The following EDNRB variants were observed in gnomAD, a reference collection of about 807,000 sequenced individuals.
EDNRB encodes the protein endothelin receptor type B, also known as Hirschsprung disease 2.
In EDNRB, 18 loss-of-function variants were observed where a neutral mutation model predicts 46.4. The ratio of observed to expected loss-of-function variants is 0.39; its 90% CI spans 0.27 to 0.57. EDNRB has a LOEUF of 0.57. Among genes scored for constraint, EDNRB ranks in the 20% least tolerant of loss-of-function variants. The pLI is 0.61. For missense variants in EDNRB, 434 were observed against 537.5 expected (o/e 0.81, Z 1.90); for synonymous variants, 213 against 204.9 (o/e 1.04, Z -0.34).
At position 77,900,671 on chromosome 13, in the gene EDNRB, G is replaced by A; in HGVS notation, c.952-17C>T. The A allele has an allele frequency of 6.2e-7, 1 of 1,611,908 alleles. No homozygotes were observed. Among genetic ancestry groups the A allele is most frequent in the South Asian group, 1.1e-5 (1 of 91,036 alleles). ...TTCCCGTCTCTGAAATAAATCCATA[G>A]TTTGACCCTTAAAAGATGGCTCATT... is the stretch of plus-strand genomic sequence containing the variant. On this transcript the variant is annotated splice_polypyrimidine_tract_variant and intron_variant, in intron 4 of 6. Coordinates refer to ENST00000646607, the MANE Select transcript of EDNRB (RefSeq NM_001122659.3).
chr13:77,903,456 T>C, intron 2 of EDNRB, 39 bp downstream of exon 2: 1 of 1,609,940 alleles, frequency 6.2e-7, no homozygotes, highest in Non-Finnish European at 8.5e-7. Context: ...AACAATAGTA[T>C]ATATTCAGAA....
intron 1 of EDNRB, among the ~76,000 whole-genome samples, chr13:77,910,009 C>G (rs1254682615): frequency 6.6e-6 from 1 of 151,956 alleles, no homozygotes; most frequent in Non-Finnish European, 1.5e-5. Flanking sequence ...CCCACCCTCT[C>G]TCTCCTACTC....
intron 1 of EDNRB, among the ~76,000 whole-genome samples, chr13:77,931,744 C>CAAAAAAAAAAAAAA (rs67176737): frequency 1.7e-3 from 141 of 83,292 alleles, no homozygotes; most frequent in Non-Finnish European, 2.0e-3. Context: ...ACTGTAGTAG[C>CAAAAAAAAAAAAAA]AAAAAAAAAA....
chr13:77,927,653 A>G (rs904917127), intron 1 of EDNRB, among the ~76,000 whole-genome samples: 4 of 152,210 alleles, frequency 2.6e-5, no homozygotes, highest in African/African-American at 7.2e-5. Flanking sequence ...GAGCTGTAAC[A>G]TATTTAGACT....
chr13:77,909,689 G>A (rs1879473792), intron 1 of EDNRB, among the ~76,000 whole-genome samples: 1 of 152,036 alleles, frequency 6.6e-6, no homozygotes, highest in Non-Finnish European at 1.5e-5. Context: ...TTGGCACACA[G>A]TGGTCACTCA....
rs1028738004 is a variant in EDNRB, at chr13:77,897,392, T to A, written c.*808A>T. 1.0e-6 allele frequency: 1 copy of A among 985,146 alleles called. No individual in the cohort carries two copies. Among genetic ancestry groups the A allele is most frequent in the African/African-American group, 1.7e-5 (1 of 57,220 alleles). The allele number at this position is 985,146 out of a possible 1,614,324, so 61.0% of individuals were successfully genotyped here. A position where few individuals can be genotyped will look rare whatever the true frequency, so the allele number is the denominator to read the frequency against. On this transcript the variant is annotated 3_prime_UTR_variant, in exon 7 of 7. Transcript: ENST00000646607. ...GAATGACAGATTCAAAAAAGTCTTT[T>A]GGGATAGCCTTTCAAACATTCTATT...
intron 1 of EDNRB, among the ~76,000 whole-genome samples, chr13:77,969,454 C>T (rs917726905): frequency 6.6e-6 from 1 of 152,192 alleles, no homozygotes; most frequent in Non-Finnish European, 1.5e-5. Flanking sequence ...TGTCCTGACA[C>T]TGGGTTATCT....
chr13:77,965,738 A>T (rs185551878), intron 1 of EDNRB, among the ~76,000 whole-genome samples: 1 of 152,340 alleles, frequency 6.6e-6, no homozygotes. Flanking sequence ...TGAAATCAGT[A>T]CACAAGTAAA....
upstream of EDNRB, among the ~76,000 whole-genome samples, chr13:77,920,692 G>T (rs1352325613): frequency 1.3e-5 from 2 of 152,196 alleles, no homozygotes; most frequent in East Asian, 3.8e-4. Context: ...ATGGTCTAGG[G>T]TTGTGAGTGC....
In EDNRB at chr13:77,972,281, A is replaced by G. The variant is rs1158070890; in HGVS notation, c.-52+3066T>C. ...TGGGCCTCTGGCCTGCCATGTGCACAAGCATAACAATTGCTTTTGTTTAAC... is the reference window on the plus strand; with the variant it reads ...TGGGCCTCTGGCCTGCCATGTGCACGAGCATAACAATTGCTTTTGTTTAAC... On this transcript the variant is annotated intron_variant, in intron 1 of 7. Transcript: ENST00000646948. Among the ~76,000 whole-genome samples the G allele has an allele frequency of 5.3e-5, 8 of 152,364 alleles. No individual in the cohort carries two copies. The East Asian group carries it at 1.3e-3, about 26-fold the overall frequency.
chr13:77,927,334 C>G (rs1371128159), intron 1 of EDNRB, among the ~76,000 whole-genome samples: 1 of 152,074 alleles, frequency 6.6e-6, no homozygotes, highest in Non-Finnish European at 1.5e-5. Flanking sequence ...CTGTCTTGTT[C>G]TAGATTAACA....
At position 77,903,498 on chromosome 13, in the gene EDNRB, T is replaced by G; in HGVS notation, c.593A>C (p.Asp198Ala). 2 of 1,612,776 alleles carry G rather than the reference T, an allele frequency of 1.2e-6. No homozygotes were observed. The highest frequency in any genetic ancestry group is 1.7e-6 in the Non-Finnish European group (2 of 1,179,198). The change falls in exon 2 of 7, where the codon GAC becomes GCC. Residue 198 changes from aspartate to alanine, a missense_variant. Physicochemically the swap from Asp to Ala is moderately radical, Grantham distance 126 (BLOSUM62 -2). Coordinates refer to ENST00000646607, the MANE Select transcript of EDNRB (RefSeq NM_001122659.3). The stretch of plus-strand genomic sequence containing the variant: ...TGGATTAAATAGAAGCTTCTACCTG[T>G]CAATACTCAGAGCACATAGACTCAG... The part of the protein sequence containing the change: ...TVLSLCALSI[D>A]RYRAVASWSR...
At chr13:77,939,710 T>C (rs560914845) in intron 1 of EDNRB, 7 of 152,278 alleles carry the variant, frequency 4.6e-5, no homozygotes, top group African/African-American at 1.4e-4. Context: ...AAAATTCTTA[T>C]GTATGGGCTG....
rs906671179 is a variant in EDNRB, at chr13:77,940,700, G to GATATGTGT, written c.-51-22077_-51-22076insACACATAT. 6.8e-4 allele frequency among the ~76,000 whole-genome samples: 102 copies of GATATGTGT among 149,188 alleles called. No individual in the cohort carries two copies. In the South Asian group the frequency reaches 0.012, roughly 18 times the overall value. ...TCAAAGCCAAGGAAAAGATGAATTG[G>GATATGTGT]GTGTGTGTGTGTGTGTGTGTGTGTG... On this transcript the variant is annotated intron_variant, in intron 1 of 7. Coordinates refer to the EDNRB transcript ENST00000646948.
chr13:77,928,749 A>C (rs1266843931), intron 1 of EDNRB, among the ~76,000 whole-genome samples: 1 of 152,222 alleles, frequency 6.6e-6, no homozygotes, highest in African/African-American at 2.4e-5. Context: ...TACTCTAGGG[A>C]AAAGCTGAAT....
At chr13:77,935,866 T>C (rs13378946) in intron 1 of EDNRB, among the ~76,000 whole-genome samples, 9,276 of 152,180 alleles carry the variant, frequency 0.061, 367 homozygotes, top group Middle Eastern at 0.13. Context: ...TAGGAGAGTA[T>C]ATGGGTTTGG....
chr13:77,898,736 T>G (rs1878771458), intron 6 of EDNRB, among the ~76,000 whole-genome samples: 2 of 151,944 alleles, frequency 1.3e-5, no homozygotes, highest in South Asian at 4.1e-4. Context: ...GTATAATTAT[T>G]TTACTGAGAC....
At position 77,952,805 on chromosome 13, in the gene EDNRB, T is replaced by C. The variant is rs149050869; in HGVS notation, c.-52+22542A>G. On this transcript the variant is annotated intron_variant, in intron 1 of 7. Coordinates refer to the EDNRB transcript ENST00000646948. ...CCTTGTATTGCTCTGTAGATTGATA[T>C]TGTATACCCCATCACATTGCTGATT... 3.9e-5 allele frequency among the ~76,000 whole-genome samples: 6 copies of C among 152,282 alleles called. No homozygotes were observed. The East Asian group carries it at 1.2e-3, about 29-fold the overall frequency.
chr13:77,920,784 C>T (rs971859349), upstream of EDNRB, among the ~76,000 whole-genome samples: 5 of 152,150 alleles, frequency 3.3e-5, no homozygotes, highest in African/African-American at 1.2e-4. Context: ...AATTGCTGAG[C>T]CAAGTAACAA....
Sources: gnomAD v4.1 joint callset for allele counts (sites outside exome capture counted in the v4.1 genomes callset) on GRCh38, gnomAD v4.1.1 for gene constraint, MANE v1.5 for transcripts, NCBI Gene and HGNC (gene_info 2026-07-23, HGNC 2026-07-21) for gene names.